Variants in KDF1 observed in about 807,000 individuals in gnomAD.
KDF1 encodes RP11-344H11.3.
KDF1 carries 11 observed loss-of-function variants against 31.6 expected under a neutral mutation model. That is an observed-to-expected ratio of 0.35 (90% CI 0.22 to 0.58). The LOEUF is 0.58. Ranked by LOEUF, KDF1 falls within the 20% of genes least tolerant of loss-of-function variation. The pLI is 0.83. For synonymous variants in KDF1, 205 were observed against 214.4 expected, an observed-to-expected ratio of 0.96 and a Z score of 0.38; for missense variants, 476 against 549.1, an observed-to-expected ratio of 0.87 and a Z score of 1.33.
Position 26,950,570 on chromosome 1 carries a change from C to A in KDF1, c.1114+112G>T. The A allele has an allele frequency of 1.1e-6, 1 of 883,892 alleles. No individual in the cohort carries two copies. The highest frequency in any genetic ancestry group is 1.8e-6 in the Non-Finnish European group (1 of 541,920). 54.8% of individuals were successfully genotyped at this position (883,892 alleles called of 1,614,324 possible). On this transcript the variant is annotated intron_variant, in intron 3 of 3. Transcript: ENST00000320567. This position sits in a 1 kb window ranked among gnomAD's most constrained non-coding sequence, Gnocchi z 4.0. Reference sequence around the variant, plus strand: ...GGTCTGTGGCTGCTTAGGTCCCCGTCCCTTTTTGATGTCATCCTCATCACC... The same window carrying A: ...GGTCTGTGGCTGCTTAGGTCCCCGTACCTTTTTGATGTCATCCTCATCACC...
rs1240659379 is a variant in KDF1 at position 26,952,331 on chromosome 1, C to T, written c.50G>A (p.Gly17Glu). 1.3e-6 allele frequency: 2 copies of T among 1,523,674 alleles called. No individual in the cohort carries two copies. The highest frequency in any genetic ancestry group is 2.3e-5 in the East Asian group (1 of 44,056). 94.4% of individuals were successfully genotyped at this position (1,523,674 alleles called of 1,614,324 possible). The change falls in exon 2 of 4, where the codon GGA becomes GAA. Residue 17 changes from glycine (G) to glutamate (E), a missense_variant. Gly to Glu is a moderately conservative substitution (Grantham distance 98). Coordinates refer to ENST00000320567, the MANE Select transcript of KDF1 (RefSeq NM_152365.3). The surrounding 1 kb of genome is among the most constrained non-coding windows in gnomAD (Gnocchi z 4.1). ...PRPASGPPRL[G>E]PWERPTELCL... is the part of the protein sequence containing the mutation. The stretch of plus-strand genomic sequence containing the variant: ...TAGCTCTGTTGGCCGCTCCCACGGT[C>T]CCAAGCGTGGAGGCCCAGATGCTGG...
chr1:26,950,621 G>A lies in KDF1; in HGVS notation c.1114+61C>T. 1 of 1,405,566 alleles carries A rather than the reference G, an allele frequency of 7.1e-7. No individual in the cohort carries two copies. The highest frequency in any genetic ancestry group is 2.3e-5 in the East Asian group (1 of 43,640). 87.1% of individuals were successfully genotyped at this position (1,405,566 alleles called of 1,614,324 possible). On this transcript the variant is annotated intron_variant, in intron 3 of 3. Coordinates refer to ENST00000320567, the MANE Select transcript of KDF1 (RefSeq NM_152365.3). This position sits in a 1 kb window ranked among gnomAD's most constrained non-coding sequence, Gnocchi z 4.0. ...CCAAAAGAAAGCTGGGAGAGCAGCA[G>A]GTGAGGGGCCCCTAGGGTAGTCCCC...
intron 1 of KDF1, among the ~76,000 whole-genome samples, chr1:26,955,061 T>C (rs2124162032): frequency 6.6e-6 from 1 of 151,964 alleles, no homozygotes; most frequent in Non-Finnish European, 1.5e-5. Context: ...TTTCGCCATG[T>C]TGGCCAGGCT....
In KDF1 at chr1:26,949,970, T is replaced by A; in HGVS notation, c.*99A>T. The A allele has an allele frequency of 2.4e-6, 3 of 1,262,448 alleles. No homozygotes were observed. The highest frequency in any genetic ancestry group is 3.4e-6 in the Non-Finnish European group (3 of 887,312). 78.2% of individuals were successfully genotyped at this position (1,262,448 alleles called of 1,614,324 possible). A position where few individuals can be genotyped will look rare whatever the true frequency, so the allele number is the denominator to read the frequency against. ...AGGAGGAGCCAGAGTGGGCACTGCT[T>A]CAGGTCTAAGCCTCTCCCACAGGGG... On this transcript the variant is annotated 3_prime_UTR_variant, in exon 4 of 4. Transcript: ENST00000320567.
intron 1 of KDF1, among the ~76,000 whole-genome samples, chr1:26,958,366 C>G (rs986393428): frequency 1.3e-5 from 2 of 151,400 alleles, no homozygotes; most frequent in African/African-American, 4.9e-5. Context: ...ATCTCCTGAC[C>G]TCGTGATCCA....
In KDF1 at chr1:26,950,103, G is replaced by A. The variant is rs374830839; in HGVS notation, c.1163C>T (p.Ser388Leu). ...DSSFQGTDTD[S>L]SGAPLLQVYC ...CACCTGGAGCAAGGGTGCCCCCGACGAGTCTGTGTCGGTGCCCTGGAAGGA... is the reference window on the plus strand; with the variant it reads ...CACCTGGAGCAAGGGTGCCCCCGACAAGTCTGTGTCGGTGCCCTGGAAGGA... The change falls in exon 4 of 4, where the codon TCG (serine) becomes TTG (leucine). Residue 388 changes from serine to leucine, a missense_variant. Transcript: ENST00000320567. This position sits in a 1 kb window ranked among gnomAD's most constrained non-coding sequence, Gnocchi z 4.0. 1.1e-5 allele frequency: 17 copies of A among 1,613,802 alleles called. No individual in the cohort carries two copies. The highest frequency in any genetic ancestry group is 5.3e-5 in the African/African-American group (4 of 74,910).
chr1:26,951,274 C>T lies in KDF1; in HGVS notation c.1039+68G>A. ...GTAGACCCACAGTGACTAAAGACCC[C>T]ATTCCAACCCTCCCCTGGCCAGAGC... On this transcript the variant is annotated intron_variant, in intron 2 of 3. Coordinates refer to ENST00000320567, the MANE Select transcript of KDF1 (RefSeq NM_152365.3). The surrounding 1 kb of genome is among the most constrained non-coding windows in gnomAD (Gnocchi z 5.4). The T allele has an allele frequency of 7.1e-7, 1 of 1,407,602 alleles. No individual in the cohort carries two copies. The highest frequency in any genetic ancestry group is 9.4e-7 in the Non-Finnish European group (1 of 1,061,166). The allele number at this position is 1,407,602 out of a possible 1,614,324, so 87.2% of individuals were successfully genotyped here. A position where few individuals can be genotyped will look rare whatever the true frequency, so the allele number is the denominator to read the frequency against.
chr1:26,950,250 G>C lies in KDF1; in HGVS notation c.1115-99C>G, dbSNP rs1224655130. The C allele has an allele frequency of 8.8e-7, 1 of 1,140,404 alleles. No homozygotes were observed. The highest frequency in any genetic ancestry group is 1.3e-6 in the Non-Finnish European group (1 of 759,012). 70.6% of individuals were successfully genotyped at this position (1,140,404 alleles called of 1,614,324 possible). On this transcript the variant is annotated intron_variant, in intron 3 of 3. Transcript: ENST00000320567. The surrounding 1 kb of genome is among the most constrained non-coding windows in gnomAD (Gnocchi z 4.0). ...AGCCTGCTGAGAAGGAGCAGAGTGGGACTTGAGCCTGGGTCAGTCTGATCC... is the reference window on the plus strand; with the variant it reads ...AGCCTGCTGAGAAGGAGCAGAGTGGCACTTGAGCCTGGGTCAGTCTGATCC...
intron 1 of KDF1, among the ~76,000 whole-genome samples, chr1:26,956,449 A>G (rs1480901874): frequency 6.6e-6 from 1 of 152,224 alleles, no homozygotes; most frequent in African/African-American, 2.4e-5. Flanking sequence ...CAAAGATAAT[A>G]TCACCATAAT....
rs1194547873 is a variant in KDF1 at position 26,949,581 on chromosome 1, CTG to C, written c.*486_*487del. 6.3e-6 allele frequency: 1 copy of C among 159,490 alleles called. No homozygotes were observed. The highest frequency in any genetic ancestry group is 2.4e-5 in the African/African-American group (1 of 41,530). 9.9% of individuals were successfully genotyped at this position (159,490 alleles called of 1,614,324 possible). On this transcript the variant is annotated 3_prime_UTR_variant, in exon 4 of 4. Coordinates refer to ENST00000320567, the MANE Select transcript of KDF1 (RefSeq NM_152365.3). ...TACCAATTACCTTTGTACTTACAAACTGTGGTCATGTTAAGATACAGAACATC... is the reference window on the plus strand; with the variant it reads ...TACCAATTACCTTTGTACTTACAAACTGGTCATGTTAAGATACAGAACATC...
In KDF1 at chr1:26,952,218, G is replaced by C; in HGVS notation, c.163C>G (p.Pro55Ala). The C allele has an allele frequency of 6.2e-7, 1 of 1,609,164 alleles. No homozygotes were observed. The highest frequency in any genetic ancestry group is 2.2e-5 in the East Asian group (1 of 44,808). The change falls in exon 2 of 4, where the codon CCA becomes GCA. Residue 55 changes from proline (P) to alanine (A), a missense_variant. By Grantham distance (27) the Pro-to-Ala change is conservative. Around this residue, in one of 2 missense-constraint regions of KDF1, gnomAD observed 330 missense variants for 332.3 expected, o/e 0.99. Transcript: ENST00000320567. This position sits in a 1 kb window ranked among gnomAD's most constrained non-coding sequence, Gnocchi z 4.1. ...PDPKDPGHHGPESITFISGSA... is the reference protein window; with the variant it reads ...PDPKDPGHHGAESITFISGSA... ...CCAGAGATGAAGGTAATGCTCTCTG[G>C]CCCATGGTGGCCAGGGTCCTTGGGG... is the stretch of plus-strand genomic sequence containing the variant.
In KDF1 at chr1:26,959,160, C is replaced by T. The variant is rs576017163; in HGVS notation, c.-33+1190G>A. On this transcript the variant is annotated intron_variant, in intron 1 of 3. Transcript: ENST00000320567. ...AAGATTTGCACTGTGGCCCGCCAGG[C>T]TCTGAAGCCTGCGTACTTTGTGTGT... Among the ~76,000 whole-genome samples, 5 of 152,342 alleles carry T rather than the reference C, an allele frequency of 3.3e-5. No homozygotes were observed. In the South Asian group the frequency reaches 8.3e-4, roughly 25 times the overall value.
chr1:26,955,012 C>T (rs573430722), intron 1 of KDF1, among the ~76,000 whole-genome samples: 1 of 151,690 alleles, frequency 6.6e-6, no homozygotes, highest in African/African-American at 2.4e-5. Context: ...CGTCCGCTAC[C>T]ACGCCCAGCT....
Position 26,951,206 on chromosome 1 carries a change from G to T in KDF1, c.1039+136C>A, listed in dbSNP as rs1324099263. 1.0e-6 allele frequency: 1 copy of T among 970,930 alleles called. No homozygotes were observed. The highest frequency in any genetic ancestry group is 2.6e-5 in the East Asian group (1 of 37,820). The allele number at this position is 970,930 out of a possible 1,614,324, so 60.1% of individuals were successfully genotyped here. On this transcript the variant is annotated intron_variant, in intron 2 of 3. Coordinates refer to ENST00000320567, the MANE Select transcript of KDF1 (RefSeq NM_152365.3). The surrounding 1 kb of genome is among the most constrained non-coding windows in gnomAD (Gnocchi z 5.4). ...TGGGAGCTGGGGAGAGGGGATGCAA[G>T]AGTTGACAGAAAGGAGGAGGAAAGG...
At position 26,951,356 on chromosome 1, in the gene KDF1, C is replaced by T. The variant is rs774065018; in HGVS notation, c.1025G>A (p.Gly342Asp). The T allele has an allele frequency of 1.1e-5, 17 of 1,579,942 alleles. No individual in the cohort carries two copies. Among genetic ancestry groups the T allele is most frequent in the South Asian group, 2.3e-5 (2 of 87,388 alleles). ...CCCCCACCTACCATCCTGGCTGAGA[C>T]CTGAGCCCACCATGGTCTCATGGCC... ...DSGHETMVGS[G>D]LSQDELTVQI... The change falls in exon 2 of 4, where the codon GGT (glycine) becomes GAT (aspartate). Residue 342 changes from glycine (G) to aspartate (D), a missense_variant. Transcript: ENST00000320567. This position sits in a 1 kb window ranked among gnomAD's most constrained non-coding sequence, Gnocchi z 5.4.
rs1341546906 is a variant in KDF1 at position 26,951,335 on chromosome 1, C to A, written c.1039+7G>T. The A allele has an allele frequency of 6.5e-7, 1 of 1,547,968 alleles. No individual in the cohort carries two copies. Among genetic ancestry groups the A allele is most frequent in the Non-Finnish European group, 8.8e-7 (1 of 1,142,124 alleles). The stretch of plus-strand genomic sequence containing the variant: ...CTGCCCCTCAGCCCCATGGGGCCCC[C>A]ACCTACCATCCTGGCTGAGACCTGA... On this transcript the variant is annotated splice_region_variant and intron_variant, in intron 2 of 3. Coordinates refer to ENST00000320567, the MANE Select transcript of KDF1 (RefSeq NM_152365.3). This position sits in a 1 kb window ranked among gnomAD's most constrained non-coding sequence, Gnocchi z 5.4.
Position 26,949,801 on chromosome 1 carries a change from T to TA in KDF1, c.*267dup. 1 of 422,100 alleles carries TA rather than the reference T, an allele frequency of 2.4e-6. No homozygotes were observed. Among genetic ancestry groups the TA allele is most frequent in the South Asian group, 2.5e-5 (1 of 40,786 alleles). The allele number at this position is 422,100 out of a possible 1,614,324, so 26.1% of individuals were successfully genotyped here. The stretch of plus-strand genomic sequence containing the variant: ...TCCCAGAAGGTAATGCCTAACTCCT[T>TA]ACTTTCCATGATCAGGCCACCTGAA... On this transcript the variant is annotated 3_prime_UTR_variant, in exon 4 of 4. Coordinates refer to ENST00000320567, the MANE Select transcript of KDF1 (RefSeq NM_152365.3).
chr1:26,956,118 T>C (rs1454967329), intron 1 of KDF1, among the ~76,000 whole-genome samples: 2 of 152,164 alleles, frequency 1.3e-5, no homozygotes, highest in East Asian at 3.8e-4. Flanking sequence ...ATCCTTAGCT[T>C]GGATTTTCTG....
At chr1:26,958,235 G>A (rs556236142) in intron 1 of KDF1, among the ~76,000 whole-genome samples, 1 of 150,230 alleles carries the variant, frequency 6.7e-6, no homozygotes, top group African/African-American at 2.5e-5. Context: ...CCTCCCGGGT[G>A]CAAGCGATTC....
Sources: gnomAD v4.1 joint callset for allele counts (sites outside exome capture counted in the v4.1 genomes callset) on GRCh38, gnomAD v4.1.1 for gene constraint, gnomAD v4.1.1 regional missense constraint, Gnocchi (gnomAD v3.1) non-coding constraint, MANE v1.5 for transcripts, NCBI Gene and HGNC (gene_info 2026-07-23, HGNC 2026-07-21) for gene names.